Variants in ACSS3 observed in about 807,000 individuals in gnomAD.
ACSS3 encodes acyl-CoA synthetase short-chain family member 3, mitochondrial.
ACSS3 carries 64 observed loss-of-function variants against 84.2 expected under a neutral mutation model. That is an observed-to-expected ratio of 0.76 (90% CI 0.62 to 0.94). ACSS3 has a LOEUF of 0.94. Among genes scored for constraint, ACSS3 ranks in the 40% least tolerant of loss-of-function variants. The pLI, the probability that ACSS3 is intolerant of heterozygous loss-of-function variation, is 0.00. For missense variants in ACSS3, 815 were observed against 867.6 expected, an observed-to-expected ratio of 0.94 and a Z score of 0.76; for synonymous variants, 317 against 310.1, an observed-to-expected ratio of 1.02 and a Z score of -0.23.
rs1565723261 is a variant in ACSS3 at position 81,213,588 on chromosome 12, TCC to T, written c.1355-3310_1355-3309del. On this transcript the variant is annotated intron_variant, in intron 9 of 15. Transcript: ENST00000548058. The stretch of plus-strand genomic sequence containing the variant: ...TCTCCTCTCCTCTCCTCTCCTCCCC[TCC>T]CCTCCCCTCCCCTCCCCTCCCCTCC... 3.2e-3 allele frequency among the ~76,000 whole-genome samples: 76 copies of T among 23,422 alleles called. 15 individuals carry two copies. The highest frequency in any genetic ancestry group is 0.014 in the African/African-American group (64 of 4,532). 15.4% of individuals were successfully genotyped at this position (23,422 alleles called of 152,430 possible).
At chr12:81,140,228 A>G (rs1886026118) in intron 4 of ACSS3, among the ~76,000 whole-genome samples, 3 of 152,138 alleles carry the variant, frequency 2.0e-5, no homozygotes, top group African/African-American at 7.2e-5. Context: ...TAAGTAGATA[A>G]ATTATTCTGT....
chr12:81,141,349 G>T (rs1886084162), intron 4 of ACSS3, among the ~76,000 whole-genome samples: 1 of 152,122 alleles, frequency 6.6e-6, no homozygotes, highest in Non-Finnish European at 1.5e-5. Flanking sequence ...AAATTATGAG[G>T]CTCAGTGGTG....
chr12:81,121,488 A>C (rs573691150), intron 2 of ACSS3, among the ~76,000 whole-genome samples: 1 of 151,956 alleles, frequency 6.6e-6, no homozygotes, highest in South Asian at 2.1e-4. Context: ...ATTTTTACAC[A>C]CTTTTGGTGT....
At chr12:81,240,977 CCCT>C in intron 13 of ACSS3, among the ~76,000 whole-genome samples, 1 of 103,176 alleles carries the variant, frequency 9.7e-6, no homozygotes, top group Non-Finnish European at 1.9e-5. Context: ...CCAATGCTAT[CCCT>C]CCCCCCTCCC....
chr12:81,144,415 CT>C (rs751947142), intron 5 of ACSS3, among the ~76,000 whole-genome samples: 7 of 152,138 alleles, frequency 4.6e-5, no homozygotes, highest in Admixed American at 6.5e-5. Flanking sequence ...AAAAATATTT[CT>C]GCATATTGAA....
At chr12:81,164,450 T>A (rs1887306155) in intron 7 of ACSS3, among the ~76,000 whole-genome samples, 1 of 152,216 alleles carries the variant, frequency 6.6e-6, no homozygotes, top group South Asian at 2.1e-4. Flanking sequence ...TTTATACATG[T>A]GTAAATAAGA....
intron 15 of ACSS3, 149 bp downstream of exon 15, chr12:81,253,819 AT>A: frequency 1.3e-6 from 1 of 781,510 alleles, no homozygotes; most frequent in Non-Finnish European, 2.0e-6. Flanking sequence ...TAAGGGAGAG[AT>A]TATATAGCCA....
At chr12:81,111,354 C>G (rs1172189962) in intron 2 of ACSS3, among the ~76,000 whole-genome samples, 2 of 152,062 alleles carry the variant, frequency 1.3e-5, no homozygotes, top group African/African-American at 2.4e-5. Flanking sequence ...TTCAAGAGGC[C>G]AAAGAAGAGA....
chr12:81,248,553 G>T (rs2034054782), intron 13 of ACSS3, among the ~76,000 whole-genome samples: 1 of 151,946 alleles, frequency 6.6e-6, no homozygotes, highest in African/African-American at 2.4e-5. Flanking sequence ...AGAAGGGTAT[G>T]TGTGTGTCAA....
At chr12:81,211,924 C>T (rs570200019) in intron 9 of ACSS3, among the ~76,000 whole-genome samples, 1 of 152,226 alleles carries the variant, frequency 6.6e-6, no homozygotes, top group South Asian at 2.1e-4. Flanking sequence ...ACATTGGCTG[C>T]CTCACTGTTC....
chr12:81,111,211 A>G (rs1883551726), intron 2 of ACSS3, among the ~76,000 whole-genome samples: 1 of 152,166 alleles, frequency 6.6e-6, no homozygotes, highest in South Asian at 2.1e-4. Context: ...AGCAGAAGTG[A>G]GGAGTTAAGA....
intron 9 of ACSS3, 194 bp downstream of exon 9, chr12:81,199,638 C>T (rs1565716890): frequency 6.7e-7 from 1 of 1,492,722 alleles, no homozygotes; most frequent in Middle Eastern, 1.7e-4. Context: ...GACATTGATG[C>T]CACCATTCTC....
chr12:81,242,048 T>C (rs1221377463), intron 13 of ACSS3, among the ~76,000 whole-genome samples: 1 of 152,184 alleles, frequency 6.6e-6, no homozygotes, highest in Non-Finnish European at 1.5e-5. Flanking sequence ...TTCAGCTTTC[T>C]ACATATGGCT....
intron 1 of ACSS3, among the ~76,000 whole-genome samples, chr12:81,096,491 A>G (rs1395717484): frequency 6.6e-6 from 1 of 152,156 alleles, no homozygotes; most frequent in Non-Finnish European, 1.5e-5. Context: ...TTATTATTAT[A>G]CTTTAAGTTC....
Position 81,134,988 on chromosome 12 carries a change from G to A in ACSS3, c.629G>A (p.Arg210His), listed in dbSNP as rs567550679. 13 of 1,598,914 alleles carry A rather than the reference G, an allele frequency of 8.1e-6. No individual in the cohort carries two copies. The highest frequency in any genetic ancestry group is 5.1e-5 in the Admixed American group (3 of 58,500). Residue 210 changes from arginine to histidine, a missense_variant, in exon 3 of 16, where the codon CGC becomes CAC. Transcript: ENST00000548058. ...GGFASKELSS[R>H]IDHVKPKVVV... ...TTTGCTTCCAAAGAACTAAGTAGTC[G>A]CATTGATCATGTAAAGGTAAGTGCT...
At chr12:81,178,997 G>C (rs542140564) in intron 8 of ACSS3, among the ~76,000 whole-genome samples, 22 of 151,968 alleles carry the variant, frequency 1.4e-4, no homozygotes, top group Non-Finnish European at 2.6e-4. Context: ...AGCTACAGAT[G>C]TACCACCATC....
chr12:81,247,035 AT>A (rs982953693), intron 13 of ACSS3, among the ~76,000 whole-genome samples: 1 of 146,230 alleles, frequency 6.8e-6, no homozygotes, highest in Admixed American at 7.0e-5. Context: ...CTTAAATGTG[AT>A]TTTTTTTGAG....
Position 81,123,642 on chromosome 12 carries a change from CCCAGTGT to C in ACSS3, c.457-11172_457-11166del, listed in dbSNP as rs756269524. Among the ~76,000 whole-genome samples the C allele has an allele frequency of 8.9e-4, 135 of 152,182 alleles. 2 individuals carry two copies. The highest frequency in any genetic ancestry group is 1.4e-3 in the East Asian group (7 of 5,166). On this transcript the variant is annotated intron_variant, in intron 2 of 15. Transcript: ENST00000548058. ...CCTCCCCTCTCTATAGTCCCCAGTG[CCCAGTGT>C]CTATCGTTCTCATCTCTATTTCCAT... is the stretch of plus-strand genomic sequence containing the variant.
At chr12:81,083,830 T>A (rs573514455) in intron 1 of ACSS3, among the ~76,000 whole-genome samples, 1 of 151,984 alleles carries the variant, frequency 6.6e-6, no homozygotes. Context: ...ATTAGCTGGA[T>A]GTGGTGGCAC....
Sources: gnomAD v4.1 joint callset for allele counts (sites outside exome capture counted in the v4.1 genomes callset) on GRCh38, gnomAD v4.1.1 for gene constraint, MANE v1.5 for transcripts, NCBI Gene and HGNC (gene_info 2026-07-23, HGNC 2026-07-21) for gene names.